OFD1: variants seen among roughly 807,000 people sequenced by gnomAD.
The protein encoded by OFD1 is OFD1 centriole and centriolar satellite protein.
Under a neutral mutation model 81.4 loss-of-function variants are expected in OFD1, and 12 were observed. That is an observed-to-expected ratio of 0.15 (90% CI 0.09 to 0.24). The LOEUF is 0.24. Ranked by LOEUF, OFD1 falls within the 10% of genes least tolerant of loss-of-function variation. The probability of loss-of-function intolerance (pLI) is 1.00; values close to 1 mark genes in which losing one functional copy is unlikely to be tolerated. For synonymous variants in OFD1, 256 were observed against 263.7 expected (o/e 0.97, Z 0.28); for missense variants, 685 against 733.9 (o/e 0.93, Z 0.77).
chrX:13,766,485 A>G (rs772537707), intron 19 of OFD1, among the ~76,000 whole-genome samples: 1 of 111,710 alleles, frequency 9.0e-6, no homozygotes, highest in African/African-American at 3.3e-5. Flanking sequence ...GCAAGGAACT[A>G]TCAGAAATGT....
chrX:13,768,911 A>AGGG, intron 22 of OFD1, 126 bp downstream of exon 22: 1 of 781,445 alleles, frequency 1.3e-6, no homozygotes, highest in Non-Finnish European at 2.0e-6. Flanking sequence ...GTGACTATAA[A>AGGG]AACAATTGAG....
In OFD1 at chrX:13,746,883, G is replaced by A. The variant is rs1384691684; in HGVS notation, c.758G>A (p.Cys253Tyr). ...TMFQNDFEKA[C>Y]QAKSEALVLR... Reference sequence around the variant, plus strand: ...TTCCAGAATGATTTTGAAAAAGCTTGTCAAGCAAAATCTGAAGCTCTCGTT... The same window carrying A: ...TTCCAGAATGATTTTGAAAAAGCTTATCAAGCAAAATCTGAAGCTCTCGTT... Residue 253 changes from cysteine to tyrosine, a missense_variant, in exon 8 of 23, where the codon TGT (cysteine) becomes TAT (tyrosine). Physicochemically the swap from Cys to Tyr is radical, Grantham distance 194. Coordinates refer to ENST00000340096, the MANE Select transcript of OFD1 (RefSeq NM_003611.3). 3 of 1,209,026 alleles carry A rather than the reference G, an allele frequency of 2.5e-6. No homozygotes were observed. The highest frequency in any genetic ancestry group is 1.8e-5 in the African/African-American group (1 of 57,127).
At chrX:13,718,337 A>G in the OFD1 span, among the ~76,000 whole-genome samples, 5 of 113,133 alleles carry the variant, frequency 4.4e-5, no homozygotes, top group African/African-American at 1.6e-4. Flanking sequence ...ATCCTTAGAG[A>G]AATGGATGTT....
chrX:13,749,686 C>CTG (rs1255216571), intron 9 of OFD1, among the ~76,000 whole-genome samples, 153 bp downstream of exon 9: 1 of 112,448 alleles, frequency 8.9e-6, no homozygotes, highest in Non-Finnish European at 1.9e-5. Flanking sequence ...GAGGAACAAA[C>CTG]ACTAGGGTTT....
intron 5 of OFD1, among the ~76,000 whole-genome samples, chrX:13,742,669 G>A (rs537119499): frequency 8.1e-5 from 9 of 110,832 alleles, no homozygotes; most frequent in Admixed American, 1.9e-4. Context: ...AACTACAGGC[G>A]CCTGCCACCA....
chrX:13,758,484 GTATA>G, intron 15 of OFD1, 36 bp downstream of exon 15: 1 of 779,399 alleles, frequency 1.3e-6, no homozygotes, highest in Non-Finnish European at 2.0e-6. Flanking sequence ...ATTTTTGTAT[GTATA>G]AAGCTTCTGG....
intron 9 of OFD1, among the ~76,000 whole-genome samples, chrX:13,750,291 A>T (rs984036882): frequency 1.8e-5 from 2 of 112,090 alleles, no homozygotes; most frequent in Non-Finnish European, 3.8e-5. Flanking sequence ...AGAGTTCATC[A>T]TTCCTTTACC....
chrX:13,755,278 T>A (rs1214456492), intron 12 of OFD1, 36 bp downstream of exon 12: 1 of 984,219 alleles, frequency 1.0e-6, no homozygotes, highest in Non-Finnish European at 1.4e-6. Context: ...GAAATAGATT[T>A]TAAGCAATAT....
At chrX:13,725,466 G>A in the OFD1 span, among the ~76,000 whole-genome samples, 2 of 112,385 alleles carry the variant, frequency 1.8e-5, no homozygotes, top group African/African-American at 3.2e-5. Flanking sequence ...GGCAAACGGG[G>A]TCTGGAGTGG....
At chrX:13,731,521 A>G (rs761566016), upstream of OFD1, among the ~76,000 whole-genome samples, 38 of 112,412 alleles carry the variant, frequency 3.4e-4, no homozygotes, top group African/African-American at 1.2e-3. Flanking sequence ...ATATTTTGGT[A>G]TCTACCTAAG....
intron 3 of OFD1, 92 bp downstream of exon 3, chrX:13,736,770 C>T (rs959676598): frequency 1.1e-5 from 7 of 624,502 alleles, no homozygotes; most frequent in South Asian, 7.3e-5. Flanking sequence ...AAGTGCTCCT[C>T]GACTAGGTCC....
chrX:13,767,755 C>T, intron 20 of OFD1: 1 of 274,760 alleles, frequency 3.6e-6, no homozygotes, highest in South Asian at 4.4e-5. Flanking sequence ...AGATGGATTA[C>T]TCTGTCCACT....
At chrX:13,753,167 A>G in intron 10 of OFD1, 1 of 1,048,619 alleles carries the variant, frequency 9.5e-7, no homozygotes. Context: ...GACCCAGTTT[A>G]TAGGATCAAG....
At chrX:13,761,594 C>A (rs1295964920) in intron 17 of OFD1, among the ~76,000 whole-genome samples, 2 of 112,334 alleles carry the variant, frequency 1.8e-5, no homozygotes, top group Admixed American at 1.9e-4. Context: ...TTTTACACAT[C>A]ATTAAAAAGT....
At chrX:13,762,483 A>C (rs1473621732) in intron 18 of OFD1, 39 bp downstream of exon 18, 2 of 885,737 alleles carry the variant, frequency 2.3e-6, no homozygotes, top group Admixed American at 4.5e-5. Context: ...ATATGTTGAA[A>C]ATCTAGAAAG....
At position 13,763,739 on chromosome X, in the gene OFD1, A is replaced by T; in HGVS notation, c.2489-6A>T. ...AGGACTCATGGGACAATTGTGCCTC[A>T]TGCAGCTGCAGGGAACATGCCAAGG... On this transcript the variant is annotated splice_region_variant and splice_polypyrimidine_tract_variant and intron_variant, in intron 18 of 22. Coordinates refer to ENST00000340096, the MANE Select transcript of OFD1 (RefSeq NM_003611.3). The T allele has an allele frequency of 8.3e-7, 1 of 1,197,967 alleles. No homozygotes were observed. The highest frequency in any genetic ancestry group is 1.1e-6 in the Non-Finnish European group (1 of 883,130).
At chrX:13,714,566 G>T in the OFD1 span, 1 of 651,137 alleles carries the variant, frequency 1.5e-6, no homozygotes, top group Non-Finnish European at 2.2e-6. Flanking sequence ...TTTCTGAAAG[G>T]AAATCATTTT....
chrX:13,768,622 T>C (rs2048221479), intron 21 of OFD1, 96 bp from the exon 22 acceptor site: 2 of 706,446 alleles, frequency 2.8e-6, no homozygotes, highest in African/African-American at 4.2e-5. Flanking sequence ...TTTAGACTTT[T>C]AAATTACATA....
At chrX:13,751,117 TTCCTTC>T in intron 9 of OFD1, 126 bp from the exon 10 acceptor site, 4 of 570,345 alleles carry the variant, frequency 7.0e-6, no homozygotes, top group Non-Finnish European at 1.1e-5. Flanking sequence ...TTCTGGCTCT[TTCCTTC>T]TACTTCCCAG....
Sources: allele counts gnomAD v4.1 joint callset (sites outside exome capture counted in the v4.1 genomes callset), GRCh38; gene constraint gnomAD v4.1.1; transcripts MANE v1.5; gene names NCBI Gene and HGNC (gene_info 2026-07-23, HGNC 2026-07-21).